The following TCF12 variants were observed in gnomAD, a reference collection of about 807,000 sequenced individuals.
The protein encoded by TCF12 is transcription factor 12.
In TCF12, 45 loss-of-function variants were observed where a neutral mutation model predicts 86.0. That is an observed-to-expected ratio of 0.52 (90% confidence interval 0.41 to 0.67). The LOEUF (loss-of-function observed/expected upper bound fraction) is 0.67, where lower values mean the gene tolerates loss of function less well. TCF12 is among the 30% of genes least tolerant of loss of function. The pLI, the probability that TCF12 is intolerant of heterozygous loss-of-function variation, is 0.00. For missense variants in TCF12, 881 were observed against 859.9 expected, an observed-to-expected ratio of 1.02 and a Z score of -0.31; for synonymous variants, 330 against 299.6, an observed-to-expected ratio of 1.10 and a Z score of -1.05.
chr15:57,170,633 T>TA (rs1220010523), intron 6 of TCF12, among the ~76,000 whole-genome samples: 1 of 35,366 alleles, frequency 2.8e-5, no homozygotes, highest in African/African-American at 3.7e-4. Context: ...TAATTTTATA[T>TA]ATATATATAA....
chr15:57,132,397 ATG>A (rs2052195336), intron 5 of TCF12, among the ~76,000 whole-genome samples: 1 of 152,206 alleles, frequency 6.6e-6, no homozygotes, highest in African/African-American at 2.4e-5. Flanking sequence ...GATTTTCTAT[ATG>A]TTGTTTTTGA....
At chr15:57,137,136 T>C (rs1194856724) in intron 5 of TCF12, among the ~76,000 whole-genome samples, 1 of 151,904 alleles carries the variant, frequency 6.6e-6, no homozygotes, top group African/African-American at 2.4e-5. Context: ...CCTGCCACCA[T>C]GCCCGGCTAA....
At chr15:57,023,738 T>C (rs2065640407) in intron 3 of TCF12, among the ~76,000 whole-genome samples, 1 of 152,176 alleles carries the variant, frequency 6.6e-6, no homozygotes, top group Non-Finnish European at 1.5e-5. Flanking sequence ...ATTCTGAATT[T>C]ATTTCTTTGC....
chr15:57,208,155 C>T (rs2057926594), intron 8 of TCF12, among the ~76,000 whole-genome samples: 1 of 151,016 alleles, frequency 6.6e-6, no homozygotes, highest in South Asian at 2.1e-4. Context: ...GCCTCAGCCT[C>T]CTGAGTAGCT....
rs1595692633 is a variant in TCF12, at chr15:56,923,066, A to T, written c.148+1968A>T. Among the ~76,000 whole-genome samples, 5 of 152,108 alleles carry T rather than the reference A, an allele frequency of 3.3e-5. No homozygotes were observed. In the South Asian group the frequency reaches 1.0e-3, roughly 32 times the overall value. ...CTTTTGAAGAGCTGCTGTAGTAAAG[A>T]TTAGGGTTTTTTGTTTGTTTTCTGT... On this transcript the variant is annotated intron_variant, in intron 3 of 20. Transcript: ENST00000333725.
At chr15:57,266,014 A>T (rs896667554) in intron 18 of TCF12, among the ~76,000 whole-genome samples, 1 of 152,066 alleles carries the variant, frequency 6.6e-6, no homozygotes, top group Non-Finnish European at 1.5e-5. Flanking sequence ...ATATGGTAAG[A>T]CTCTGATTTA....
chr15:56,940,485 C>T (rs1249542011), intron 3 of TCF12, among the ~76,000 whole-genome samples: 2 of 101,230 alleles, frequency 2.0e-5, no homozygotes, highest in East Asian at 2.3e-4. Context: ...TCTTCTCCTC[C>T]TCCTCCTCCT....
chr15:57,117,428 T>C (rs936579286), intron 5 of TCF12, among the ~76,000 whole-genome samples: 6 of 152,206 alleles, frequency 3.9e-5, no homozygotes, highest in Non-Finnish European at 7.3e-5. Context: ...TTAGATATTA[T>C]TAACTTTGAC....
intron 3 of TCF12, among the ~76,000 whole-genome samples, chr15:56,990,890 G>A (rs1413698525): frequency 2.0e-5 from 3 of 151,832 alleles, no homozygotes; most frequent in Admixed American, 6.6e-5. Context: ...TACCTTCCAG[G>A]CTCAAGCAAT....
chr15:57,189,504 A>C (rs1386640259), intron 6 of TCF12, among the ~76,000 whole-genome samples: 4 of 152,220 alleles, frequency 2.6e-5, no homozygotes. Context: ...ATCATTAGTC[A>C]TTAGGGTTAT....
intron 8 of TCF12, among the ~76,000 whole-genome samples, chr15:57,209,877 G>A (rs1224564410): frequency 6.6e-6 from 1 of 152,092 alleles, no homozygotes; most frequent in African/African-American, 2.4e-5. Flanking sequence ...GCTTCTTAAA[G>A]ATGTCAAGCA....
intron 3 of TCF12, among the ~76,000 whole-genome samples, chr15:57,009,584 C>A (rs2064696334): frequency 6.7e-6 from 1 of 150,252 alleles, no homozygotes; most frequent in African/African-American, 2.4e-5. Flanking sequence ...ATTGAATATT[C>A]TTCTTTACTG....
chr15:57,092,763 A>G (rs1323040510), intron 5 of TCF12, among the ~76,000 whole-genome samples: 1 of 152,168 alleles, frequency 6.6e-6, no homozygotes, highest in Non-Finnish European at 1.5e-5. Flanking sequence ...TTATGGCATC[A>G]TATAAATATG....
chr15:56,957,760 T>G (rs1423755496), intron 3 of TCF12, among the ~76,000 whole-genome samples: 1 of 152,226 alleles, frequency 6.6e-6, no homozygotes, highest in South Asian at 2.1e-4. Context: ...TTCCAGACAT[T>G]GTGGATTTTA....
At chr15:57,227,604 C>T (rs1216449039) in intron 8 of TCF12, among the ~76,000 whole-genome samples, 10 of 152,040 alleles carry the variant, frequency 6.6e-5, no homozygotes, top group Non-Finnish European at 2.9e-5. Context: ...TATGTGATTG[C>T]GTTGTTTTCA....
At chr15:57,187,096 C>T (rs1263993426) in intron 6 of TCF12, among the ~76,000 whole-genome samples, 1 of 151,862 alleles carries the variant, frequency 6.6e-6, no homozygotes, top group African/African-American at 2.4e-5. Flanking sequence ...ACAAGAATTG[C>T]TTGAACCTGG....
At chr15:57,086,578 G>A (rs769171819) in intron 4 of TCF12, among the ~76,000 whole-genome samples, 111 of 151,828 alleles carry the variant, frequency 7.3e-4, no homozygotes, top group Middle Eastern at 3.4e-3. Flanking sequence ...AGTAGGAGCC[G>A]TGCAATGATG....
chr15:57,106,503 C>A (rs559491944), intron 5 of TCF12, among the ~76,000 whole-genome samples: 1 of 152,298 alleles, frequency 6.6e-6, no homozygotes, highest in African/African-American at 2.4e-5. Context: ...CAATTATTGC[C>A]TTCTGGGAAG....
intron 6 of TCF12, among the ~76,000 whole-genome samples, chr15:57,185,947 GA>G (rs1289218778): frequency 3.3e-5 from 5 of 151,306 alleles, no homozygotes; most frequent in South Asian, 2.1e-4. Context: ...GATTGACTGA[GA>G]AAAAAAAGAA....
Sources: gnomAD v4.1 joint callset for allele counts (sites outside exome capture counted in the v4.1 genomes callset) on GRCh38, gnomAD v4.1.1 for gene constraint, MANE v1.5 for transcripts, NCBI Gene and HGNC (gene_info 2026-07-23, HGNC 2026-07-21) for gene names.